The following ANOS1 variants were observed in gnomAD, a reference collection of about 807,000 sequenced individuals.
ANOS1 encodes the protein anosmin 1.
ANOS1 carries 6 observed loss-of-function variants against 59.0 expected under a neutral mutation model. That is an observed-to-expected ratio of 0.10 (90% CI 0.06 to 0.20). The LOEUF is 0.20. Ranked by LOEUF, ANOS1 falls within the 10% of genes least tolerant of loss-of-function variation. The probability of loss-of-function intolerance (pLI) is 1.00; values close to 1 mark genes in which losing one functional copy is unlikely to be tolerated. For synonymous variants in ANOS1, 217 were observed against 223.4 expected (o/e 0.97, Z 0.25); for missense variants, 433 against 542.3 (o/e 0.80, Z 2.00).
intron 4 of ANOS1, among the ~76,000 whole-genome samples, chrX:8,594,337 G>T (rs971179713): frequency 1.8e-5 from 2 of 109,312 alleles, no homozygotes; most frequent in Non-Finnish European, 3.8e-5. Context: ...TTTGTGCGCT[G>T]ACTGGGCACA....
At chrX:8,725,337 T>G (rs1932902933) in intron 1 of ANOS1, among the ~76,000 whole-genome samples, 1 of 109,880 alleles carries the variant, frequency 9.1e-6, no homozygotes, top group Middle Eastern at 4.3e-3. Context: ...CATTTTATAC[T>G]CATTCACTGA....
At chrX:8,601,670 T>C (rs1348357123) in intron 3 of ANOS1, among the ~76,000 whole-genome samples, 1 of 111,998 alleles carries the variant, frequency 8.9e-6, no homozygotes, top group East Asian at 2.8e-4. Flanking sequence ...GAAACACATA[T>C]GTTCATCTTT....
intron 1 of ANOS1, among the ~76,000 whole-genome samples, chrX:8,717,856 A>C (rs1932850759): frequency 9.0e-6 from 1 of 110,928 alleles, no homozygotes; most frequent in Non-Finnish European, 1.9e-5. Flanking sequence ...GTTTTCAAAA[A>C]ATAAAAACTC....
At chrX:8,616,422 C>T (rs1375031538) in intron 3 of ANOS1, among the ~76,000 whole-genome samples, 2 of 111,531 alleles carry the variant, frequency 1.8e-5, no homozygotes, top group African/African-American at 6.5e-5. Flanking sequence ...CTTTCTGTCA[C>T]CTCATTGAGC....
rs765303771 is a variant in ANOS1 at position 8,539,775 on chromosome X, C to T, written c.1355-17G>A. ...CAGTGGGATCTATAATGCCAAAACA[C>T]GCAAACAAAAATAATAGGCTGGATG... On this transcript the variant is annotated splice_polypyrimidine_tract_variant and intron_variant, in intron 9 of 13. Transcript: ENST00000262648. 1.4e-5 allele frequency: 17 copies of T among 1,207,813 alleles called. No homozygotes were observed. The South Asian group carries it at 1.6e-4, about 11-fold the overall frequency.
chrX:8,618,783 G>A (rs1416816761), intron 3 of ANOS1, among the ~76,000 whole-genome samples: 2 of 111,828 alleles, frequency 1.8e-5, no homozygotes, highest in African/African-American at 6.5e-5. Flanking sequence ...TTGAAAATAA[G>A]AGAACAGGCC....
chrX:8,558,249 A>T (rs180901601), intron 8 of ANOS1, among the ~76,000 whole-genome samples: 162 of 111,071 alleles, frequency 1.5e-3, no homozygotes, highest in African/African-American at 5.2e-3. Context: ...GCAGCACACC[A>T]CCATGGCACA....
chrX:8,693,738 T>A (rs1049251093), intron 2 of ANOS1, among the ~76,000 whole-genome samples: 2 of 98,657 alleles, frequency 2.0e-5, no homozygotes, highest in Non-Finnish European at 4.1e-5. Context: ...CATGAATTTT[T>A]TTTTTTTTTT....
At position 8,722,961 on chromosome X, in the gene ANOS1, A is replaced by G. The variant is rs748288559; in HGVS notation, c.207+8869T>C. On this transcript the variant is annotated intron_variant, in intron 1 of 13. Coordinates refer to ENST00000262648, the MANE Select transcript of ANOS1 (RefSeq NM_000216.4). Reference sequence around the variant, plus strand: ...GCAAGCAAAAACATAAAGTGTGGAAAGGACACCCTATTCAACAAACGGTGC... The same window carrying G: ...GCAAGCAAAAACATAAAGTGTGGAAGGGACACCCTATTCAACAAACGGTGC... Among the ~76,000 whole-genome samples the G allele has an allele frequency of 4.2e-3, 476 of 112,269 alleles. 2 individuals carry two copies. The highest frequency in any genetic ancestry group is 0.015 in the African/African-American group (452 of 30,896).
chrX:8,649,891 G>C (rs1931822850), intron 2 of ANOS1, among the ~76,000 whole-genome samples: 1 of 112,392 alleles, frequency 8.9e-6, no homozygotes. Context: ...CCCCTTCCAT[G>C]GCACTGGAAG....
chrX:8,629,501 T>TGG (rs1931451584), intron 2 of ANOS1, among the ~76,000 whole-genome samples: 1 of 111,833 alleles, frequency 8.9e-6, no homozygotes, highest in Non-Finnish European at 1.9e-5. Context: ...TGCAAATCCA[T>TGG]GGGATTAGTA....
chrX:8,695,774 T>C (rs149464140), intron 2 of ANOS1, among the ~76,000 whole-genome samples: 118 of 110,803 alleles, frequency 1.1e-3, no homozygotes, highest in African/African-American at 3.7e-3. Flanking sequence ...TTTCATAACT[T>C]TTAAAAAGTT....
At chrX:8,719,529 C>T (rs1258312496) in intron 1 of ANOS1, among the ~76,000 whole-genome samples, 1 of 111,250 alleles carries the variant, frequency 9.0e-6, no homozygotes, top group African/African-American at 3.3e-5. Context: ...TACAGGTGCG[C>T]ACCACCATGC....
intron 13 of ANOS1, among the ~76,000 whole-genome samples, chrX:8,533,659 C>A (rs1929536815): frequency 9.0e-6 from 1 of 111,699 alleles, no homozygotes. Flanking sequence ...CAGCAAGAGG[C>A]TGTTTTGAAA....
chrX:8,716,064 G>A (rs1313184720), intron 1 of ANOS1, among the ~76,000 whole-genome samples: 3 of 111,361 alleles, frequency 2.7e-5, no homozygotes, highest in Non-Finnish European at 5.7e-5. Context: ...AAGGGCAGTC[G>A]ACGGTCTGAG....
At chrX:8,662,570 G>A (rs1325171396) in intron 2 of ANOS1, among the ~76,000 whole-genome samples, 2 of 112,141 alleles carry the variant, frequency 1.8e-5, no homozygotes, top group Non-Finnish European at 3.8e-5. Flanking sequence ...GATATGTTGG[G>A]CCCCCAGTAC....
At chrX:8,550,959 G>A (rs931520210) in intron 9 of ANOS1, among the ~76,000 whole-genome samples, 10 of 111,371 alleles carry the variant, frequency 9.0e-5, no homozygotes, top group Non-Finnish European at 5.7e-5. Context: ...TCATGGGGAC[G>A]AGGTTTTCCC....
In ANOS1 at chrX:8,539,687, C is replaced by T. The variant is rs202023212; in HGVS notation, c.1426G>A (p.Glu476Lys). The change falls in exon 10 of 14, where the codon GAG (glutamate) becomes AAG (lysine). Residue 476 changes from glutamate (E) to lysine (K), a missense_variant. Glu to Lys is a moderately conservative substitution (Grantham distance 56). Coordinates refer to ENST00000262648, the MANE Select transcript of ANOS1 (RefSeq NM_000216.4). ...ACAHNRTTGSEASSGMTHENY... is the reference protein window; with the variant it reads ...ACAHNRTTGSKASSGMTHENY... ...ACGTGGGTCATGCCAGATGATGCCTCTGATCCGGTTGTTCTGTTGTGGGCA... is the reference window on the plus strand; with the variant it reads ...ACGTGGGTCATGCCAGATGATGCCTTTGATCCGGTTGTTCTGTTGTGGGCA... The T allele has an allele frequency of 5.8e-6, 7 of 1,209,699 alleles. No homozygotes were observed. The East Asian group carries it at 2.1e-4, about 36-fold the overall frequency.
rs1931905071 is a variant in ANOS1 at position 8,654,820 on chromosome X, C to T, written c.256-31150G>A. Among the ~76,000 whole-genome samples, 5 of 112,051 alleles carry T rather than the reference C, an allele frequency of 4.5e-5. No homozygotes were observed. The South Asian group carries it at 1.9e-3, about 42-fold the overall frequency. ...CACTCTGACATTTGCTTTTGTACAG[C>T]CCCATGGTGATATTTAATTTTCAAA... is the stretch of plus-strand genomic sequence containing the variant. On this transcript the variant is annotated intron_variant, in intron 2 of 13. Transcript: ENST00000262648.
Sources: allele counts gnomAD v4.1 joint callset (sites outside exome capture counted in the v4.1 genomes callset), GRCh38; gene constraint gnomAD v4.1.1; transcripts MANE v1.5; gene names NCBI Gene and HGNC (gene_info 2026-07-23, HGNC 2026-07-21).